The following PCDH15 variants were observed in gnomAD, a reference collection of about 807,000 sequenced individuals.
PCDH15 encodes protocadherin related 15.
Under a neutral mutation model 178.5 loss-of-function variants are expected in PCDH15, and 129 were observed. The ratio of observed to expected loss-of-function variants is 0.72; its 90% CI spans 0.63 to 0.84. The LOEUF is 0.84. PCDH15 is among the 40% of genes least tolerant of loss of function. The probability of loss-of-function intolerance (pLI) is 0.00; values close to 1 mark genes in which losing one functional copy is unlikely to be tolerated. For missense variants in PCDH15, 2,230 were observed against 2,099.9 expected (o/e 1.06, Z -1.21); for synonymous variants, 800 against 732.0 (o/e 1.09, Z -1.50).
chr10:54,173,330 C>T (rs2047097947), intron 13 of PCDH15, among the ~76,000 whole-genome samples: 1 of 151,928 alleles, frequency 6.6e-6, no homozygotes, highest in South Asian at 2.1e-4. Context: ...ACTTTAAATG[C>T]TCTACACAAT....
chr10:55,237,125 C>A (rs1196172126), intron 1 of PCDH15, among the ~76,000 whole-genome samples: 2 of 151,992 alleles, frequency 1.3e-5, no homozygotes, highest in Non-Finnish European at 2.9e-5. Context: ...TAATTCATTT[C>A]TTTTTAACAT....
intron 2 of PCDH15, among the ~76,000 whole-genome samples, chr10:55,413,098 A>G (rs1838383819): frequency 6.6e-6 from 1 of 151,896 alleles, no homozygotes; most frequent in Middle Eastern, 3.2e-3. Flanking sequence ...AAACACATAT[A>G]GGGTATATGT....
intron 37 of PCDH15, chr10:53,808,365 C>A: frequency 2.3e-6 from 2 of 879,200 alleles, no homozygotes; most frequent in East Asian, 1.0e-4. Flanking sequence ...CCATCCATTC[C>A]AATAGACAGA....
chr10:55,015,926 G>A (rs765061708), intron 2 of PCDH15, among the ~76,000 whole-genome samples: 2 of 151,980 alleles, frequency 1.3e-5, no homozygotes, highest in African/African-American at 4.8e-5. Flanking sequence ...GAAGAGCAGG[G>A]GAGTTAATAT....
intron 1 of PCDH15, among the ~76,000 whole-genome samples, chr10:54,704,428 T>C (rs572278516): frequency 6.6e-6 from 1 of 152,188 alleles, no homozygotes; most frequent in African/African-American, 2.4e-5. Context: ...AAAGGTCTAA[T>C]ATCCGGAATT....
chr10:55,149,978 C>A (rs1206786911), intron 2 of PCDH15, among the ~76,000 whole-genome samples: 1 of 149,380 alleles, frequency 6.7e-6, no homozygotes, highest in African/African-American at 2.5e-5. Context: ...AAAGCTAGTC[C>A]AACTTGGTGG....
chr10:54,329,325 T>C (rs1297126920), intron 7 of PCDH15, among the ~76,000 whole-genome samples: 1 of 151,964 alleles, frequency 6.6e-6, no homozygotes, highest in East Asian at 1.9e-4. Context: ...TGCAGGATCC[T>C]ACTTTGAAAA....
At position 54,773,209 on chromosome 10, in the gene PCDH15, A is replaced by G. The variant is rs367948076; in HGVS notation, c.-29+27716T>C. On this transcript the variant is annotated intron_variant, in intron 1 of 37. Transcript: ENST00000644397. ...AAACCACCATGGCACACATTTACCT[A>G]TGTAACAAACCTGCATATGCTGCAC... Among the ~76,000 whole-genome samples the G allele has an allele frequency of 4.6e-5, 7 of 152,276 alleles. No individual in the cohort carries two copies. In the East Asian group the frequency reaches 9.6e-4, roughly 21 times the overall value.
intron 8 of PCDH15, among the ~76,000 whole-genome samples, chr10:54,300,419 C>A (rs866906694): frequency 6.6e-6 from 1 of 152,152 alleles, no homozygotes; most frequent in Admixed American, 6.6e-5. Context: ...ACAAATGGAA[C>A]CCCAAATGAA....
chr10:55,103,045 G>A (rs1842607226), intron 2 of PCDH15, among the ~76,000 whole-genome samples: 1 of 151,882 alleles, frequency 6.6e-6, no homozygotes, highest in Admixed American at 6.6e-5. Flanking sequence ...GTGGAAGAGG[G>A]GCAGGCGAGG....
chr10:53,846,806 T>A lies in PCDH15; in HGVS notation c.3807-6310A>T, dbSNP rs571168349. ...ACTCATGGTTGATTTAGCTTTTTAT[T>A]TATTTTTTTACACTAAAATTATTAC... is the stretch of plus-strand genomic sequence containing the variant. On this transcript the variant is annotated intron_variant, in intron 28 of 37. Transcript: ENST00000644397. 2.0e-5 allele frequency among the ~76,000 whole-genome samples: 3 copies of A among 152,160 alleles called. No homozygotes were observed. In the East Asian group the frequency reaches 5.8e-4, roughly 29 times the overall value.
At chr10:54,730,609 T>G (rs1943206486) in intron 1 of PCDH15, among the ~76,000 whole-genome samples, 1 of 151,426 alleles carries the variant, frequency 6.6e-6, no homozygotes, top group African/African-American at 2.4e-5. Context: ...AATCCATGCA[T>G]TCACAGCCAA....
intron 15 of PCDH15, among the ~76,000 whole-genome samples, chr10:54,122,710 A>T (rs1450122633): frequency 6.6e-6 from 1 of 152,156 alleles, no homozygotes; most frequent in African/African-American, 2.4e-5. Flanking sequence ...GTACTAGGAT[A>T]CAATCAATGA....
intron 1 of PCDH15, among the ~76,000 whole-genome samples, chr10:55,244,159 G>A (rs7068963): frequency 6.6e-6 from 1 of 151,870 alleles, no homozygotes; most frequent in Non-Finnish European, 1.5e-5. Flanking sequence ...CAATCTCATA[G>A]TTCGAAATGA....
chr10:55,398,595 A>C (rs1199178808), intron 2 of PCDH15, among the ~76,000 whole-genome samples: 1 of 152,230 alleles, frequency 6.6e-6, no homozygotes, highest in Non-Finnish European at 1.5e-5. Context: ...TTGTGTAAAT[A>C]TAATTTACCA....
intron 3 of PCDH15, among the ~76,000 whole-genome samples, chr10:54,442,352 C>T (rs1233331101): frequency 3.3e-5 from 4 of 122,178 alleles, no homozygotes; most frequent in African/African-American, 1.2e-4. Context: ...CGGGTAGAAA[C>T]TACGTGCCAC....
intron 21 of PCDH15, among the ~76,000 whole-genome samples, chr10:53,969,464 C>G (rs915576876): frequency 6.6e-6 from 1 of 152,108 alleles, no homozygotes. Context: ...ACTTCCCCAA[C>G]CTAACAAGGC....
At chr10:54,478,409 C>T (rs954200167) in intron 3 of PCDH15, among the ~76,000 whole-genome samples, 2 of 152,036 alleles carry the variant, frequency 1.3e-5, no homozygotes, top group Non-Finnish European at 2.9e-5. Context: ...GTAATGATAG[C>T]CAGTTGCACC....
chr10:53,974,523 G>A (rs1019741774), intron 21 of PCDH15, among the ~76,000 whole-genome samples: 13 of 151,916 alleles, frequency 8.6e-5, no homozygotes, highest in African/African-American at 2.7e-4. Flanking sequence ...ATGCTCATAT[G>A]TTTTATTTCT....
Sources: gnomAD v4.1 joint callset for allele counts (sites outside exome capture counted in the v4.1 genomes callset) on GRCh38, gnomAD v4.1.1 for gene constraint, MANE v1.5 for transcripts, NCBI Gene and HGNC (gene_info 2026-07-23, HGNC 2026-07-21) for gene names.